ATP10B: variants seen among roughly 807,000 people sequenced by gnomAD.
ATP10B encodes the protein phospholipid-transporting ATPase VB.
In ATP10B, 122 loss-of-function variants were observed where a neutral mutation model predicts 141.2. That is an observed-to-expected ratio of 0.86 (90% CI 0.75 to 1.00). The LOEUF (loss-of-function observed/expected upper bound fraction) is 1.00, where lower values mean the gene tolerates loss of function less well. Among genes scored for constraint, ATP10B ranks in the 50% least tolerant of loss-of-function variants. ATP10B has a pLI of 0.00. For missense variants in ATP10B, 1,876 were observed against 1,825.3 expected (o/e 1.03, Z -0.51); for synonymous variants, 685 against 692.0 (o/e 0.99, Z 0.16).
rs146635295 is a variant in ATP10B at position 160,849,016 on chromosome 5, C to T, written c.-576+2925G>A. Among the ~76,000 whole-genome samples, 332 of 152,234 alleles carry T rather than the reference C, an allele frequency of 2.2e-3. 2 individuals are homozygous for T. Among genetic ancestry groups the T allele is most frequent in the Non-Finnish European group, 3.8e-3 (257 of 68,024 alleles). ...TTTAAAACAGATTTCTGAGTGATCC[C>T]GAGTTTCTGACTCAGCATGTCTGCG... is the stretch of plus-strand genomic sequence containing the variant. On this transcript the variant is annotated intron_variant, in intron 1 of 25. Transcript: ENST00000327245.
the ATP10B span, among the ~76,000 whole-genome samples, chr5:160,901,112 C>G: frequency 2.0e-5 from 3 of 151,990 alleles, no homozygotes; most frequent in East Asian, 1.9e-4. Flanking sequence ...AGAGTCACCA[C>G]AAGCCAAACT....
chr5:160,667,949 G>A (rs1762420171), intron 7 of ATP10B, among the ~76,000 whole-genome samples: 1 of 152,160 alleles, frequency 6.6e-6, no homozygotes, highest in South Asian at 2.1e-4. Flanking sequence ...GGTAGAATAG[G>A]CCAGGCACCG....
chr5:160,597,851 C>T (rs1756820462), intron 22 of ATP10B, among the ~76,000 whole-genome samples: 1 of 152,012 alleles, frequency 6.6e-6, no homozygotes, highest in Non-Finnish European at 1.5e-5. Flanking sequence ...GAGATACCAT[C>T]TCACACCAGT....
the ATP10B span, among the ~76,000 whole-genome samples, chr5:160,912,607 A>AAAGAGAAAAGAAAAG: frequency 2.5e-4 from 38 of 151,970 alleles, no homozygotes; most frequent in African/African-American, 8.2e-4. Flanking sequence ...AAAGAAAAGA[A>AAAGAGAAAAGAAAAG]AAGAGAAAAG....
At chr5:160,661,922 C>T (rs1761946169) in intron 7 of ATP10B, among the ~76,000 whole-genome samples, 1 of 152,206 alleles carries the variant, frequency 6.6e-6, no homozygotes. Context: ...TCAAAATCTC[C>T]TTAAGCTGAC....
chr5:160,803,801 G>C (rs1039478641), intron 1 of ATP10B, among the ~76,000 whole-genome samples: 9 of 152,190 alleles, frequency 5.9e-5, no homozygotes, highest in African/African-American at 2.2e-4. Context: ...AAAGAGCTCT[G>C]GATAATGTGA....
chr5:160,647,963 A>T (rs1760412801), intron 8 of ATP10B, among the ~76,000 whole-genome samples: 1 of 152,146 alleles, frequency 6.6e-6, no homozygotes. Flanking sequence ...CATTTCAGGG[A>T]GCTGCAGGCC....
intron 3 of ATP10B, among the ~76,000 whole-genome samples, chr5:160,700,145 T>TC (rs1310580787): frequency 6.6e-6 from 1 of 152,022 alleles, no homozygotes; most frequent in Admixed American, 6.6e-5. Context: ...AAAACATAAG[T>TC]CCCAGAGGAA....
At chr5:160,717,741 G>A (rs1309866763) in intron 2 of ATP10B, among the ~76,000 whole-genome samples, 1 of 152,158 alleles carries the variant, frequency 6.6e-6, no homozygotes, top group Non-Finnish European at 1.5e-5. Context: ...ATTCATGGGA[G>A]CATGTTTCAG....
upstream of ATP10B, among the ~76,000 whole-genome samples, chr5:160,853,396 G>A (rs573484769): frequency 1.3e-5 from 2 of 152,150 alleles, no homozygotes; most frequent in Non-Finnish European, 2.9e-5. Context: ...GCCCCCTTGT[G>A]CCATGGAGGA....
At chr5:160,631,212 T>G (rs1561669996) in intron 13 of ATP10B, among the ~76,000 whole-genome samples, 1 of 152,250 alleles carries the variant, frequency 6.6e-6, no homozygotes, top group African/African-American at 2.4e-5. Flanking sequence ...CCCTGTGGCC[T>G]CTTGTGCAAG....
At chr5:160,893,018 A>T in the ATP10B span, among the ~76,000 whole-genome samples, 1 of 152,060 alleles carries the variant, frequency 6.6e-6, no homozygotes, top group Non-Finnish European at 1.5e-5. Context: ...TCCAGCCCAG[A>T]TACTTTGCTT....
chr5:160,801,292 T>A (rs1458357530), intron 1 of ATP10B, among the ~76,000 whole-genome samples: 2 of 152,334 alleles, frequency 1.3e-5, no homozygotes, highest in Admixed American at 6.5e-5. Context: ...GTCTTATTGA[T>A]CCTGCAGTGC....
At chr5:160,803,491 C>T (rs544637048) in intron 1 of ATP10B, among the ~76,000 whole-genome samples, 34 of 152,098 alleles carry the variant, frequency 2.2e-4, no homozygotes, top group Non-Finnish European at 5.0e-4. Flanking sequence ...GCTTGGCCAA[C>T]ATGGTGAAAC....
intron 1 of ATP10B, among the ~76,000 whole-genome samples, chr5:160,805,404 T>C (rs1159939084): frequency 6.6e-6 from 1 of 152,240 alleles, no homozygotes; most frequent in Non-Finnish European, 1.5e-5. Context: ...TAAATCTGAA[T>C]TAAGTGTGTC....
At chr5:160,889,615 C>T in the ATP10B span, among the ~76,000 whole-genome samples, 2 of 152,108 alleles carry the variant, frequency 1.3e-5, no homozygotes, top group South Asian at 4.2e-4. Flanking sequence ...TCAGTGGGCA[C>T]AAAGAATCTA....
chr5:160,787,872 A>T (rs1361565216), intron 1 of ATP10B, among the ~76,000 whole-genome samples: 1 of 152,156 alleles, frequency 6.6e-6, no homozygotes, highest in Non-Finnish European at 1.5e-5. Flanking sequence ...CAGCTAATAG[A>T]CGGTATTATT....
intron 24 of ATP10B, among the ~76,000 whole-genome samples, chr5:160,580,173 C>T (rs1755453213): frequency 6.6e-6 from 1 of 152,064 alleles, no homozygotes; most frequent in African/African-American, 2.4e-5. Context: ...GCCTGATTGC[C>T]CTGGCCAGAA....
chr5:160,625,706 T>A (rs941064026), intron 13 of ATP10B, among the ~76,000 whole-genome samples: 6 of 152,194 alleles, frequency 3.9e-5, no homozygotes, highest in Admixed American at 6.5e-5. Flanking sequence ...TTCAAGTTAT[T>A]TAGTCCATTT....
Sources: allele counts gnomAD v4.1 joint callset (sites outside exome capture counted in the v4.1 genomes callset), GRCh38; gene constraint gnomAD v4.1.1; transcripts MANE v1.5; gene names NCBI Gene and HGNC (gene_info 2026-07-23, HGNC 2026-07-21).